EZH2: variants seen among roughly 807,000 people sequenced by gnomAD.
EZH2 encodes histone-lysine N-methyltransferase EZH2.
A neutral mutation model predicts 98.4 loss-of-function variants in EZH2; 18 were observed. The observed-to-expected ratio is 0.18, with a 90% CI of 0.13 to 0.27. The LOEUF is 0.27. Ranked by LOEUF, EZH2 falls within the 10% of genes least tolerant of loss-of-function variation. EZH2 has a pLI of 1.00. For missense variants in EZH2, 470 were observed against 935.1 expected (o/e 0.50, Z 6.49); for synonymous variants, 338 against 312.3 (o/e 1.08, Z -0.87).
intron 1 of EZH2, among the ~76,000 whole-genome samples, chr7:148,874,725 T>G (rs1286672621): frequency 1.3e-5 from 2 of 152,054 alleles, no homozygotes; most frequent in Non-Finnish European, 2.9e-5. Flanking sequence ...AAAAATAAAA[T>G]AGTGTATAGA....
chr7:148,878,429 T>A lies in EZH2; in HGVS notation c.-8+5735A>T, dbSNP rs1189568637. On this transcript the variant is annotated intron_variant, in intron 1 of 19. Coordinates refer to ENST00000320356, the MANE Select transcript of EZH2 (RefSeq NM_004456.5). ...CTAAGCATAATATTCTCCAGCTCCA[T>A]CCATGTATCAGAATTTCACTCCTTT... Among the ~76,000 whole-genome samples, 3 of 152,360 alleles carry A rather than the reference T, an allele frequency of 2.0e-5. No individual in the cohort carries two copies. In the East Asian group the frequency reaches 5.8e-4, roughly 29 times the overall value.
At chr7:148,838,579 T>G (rs1811514073) in intron 3 of EZH2, among the ~76,000 whole-genome samples, 1 of 152,132 alleles carries the variant, frequency 6.6e-6, no homozygotes, top group African/African-American at 2.4e-5. Context: ...TCTAATTCAA[T>G]AACAGTCCTG....
chr7:148,846,882 G>A (rs955148774), intron 2 of EZH2, among the ~76,000 whole-genome samples: 10 of 89,078 alleles, frequency 1.1e-4, no homozygotes, highest in East Asian at 3.4e-4. Context: ...GTGTGTGTGT[G>A]TATTTTTTTT....
chr7:148,840,325 T>C (rs1037695022), intron 3 of EZH2, among the ~76,000 whole-genome samples: 7 of 152,188 alleles, frequency 4.6e-5, no homozygotes, highest in African/African-American at 1.4e-4. Flanking sequence ...ATCCATAATG[T>C]CAAACACTAC....
rs540742431 is a variant in EZH2, at chr7:148,824,342, C to A, written c.907+2112G>T. 5.1e-3 allele frequency among the ~76,000 whole-genome samples: 766 copies of A among 150,520 alleles called. 2 individuals carry two copies. The highest frequency in any genetic ancestry group is 0.017 in the Middle Eastern group (5 of 290). The stretch of plus-strand genomic sequence containing the variant: ...AAAAAAAAAAAAACAACAACAACAA[C>A]AAAAAAGAAACAGTCATGTGCTGCA... On this transcript the variant is annotated intron_variant, in intron 8 of 19. Transcript: ENST00000320356.
intron 3 of EZH2, among the ~76,000 whole-genome samples, chr7:148,843,240 T>C (rs931273280): frequency 5.4e-5 from 8 of 147,566 alleles, no homozygotes; most frequent in African/African-American, 2.0e-4. Flanking sequence ...TAGCCCGATG[T>C]GGTGGCGTGT....
Position 148,819,671 on chromosome 7 carries a change from G to A in EZH2, c.924C>T (p.Pro308=). The part of the protein sequence containing the change: ...RKCNYSFHAT[P]NTYKRKNTET... ...CTGTGTTCTTCCGCTTATAAGTGTT[G>A]GGTGTTGCATGAAAAGCTGCAAAAT... is the stretch of plus-strand genomic sequence containing the variant. The change falls in exon 9 of 20, where the codon CCC becomes CCT. Residue 308 remains proline (P), a synonymous_variant. Coordinates refer to ENST00000320356, the MANE Select transcript of EZH2 (RefSeq NM_004456.5). The A allele has an allele frequency of 6.2e-7, 1 of 1,613,964 alleles. No individual in the cohort carries two copies. Among genetic ancestry groups the A allele is most frequent in the Non-Finnish European group, 8.5e-7 (1 of 1,179,910 alleles).
chr7:148,873,507 A>AAG (rs1819725493), intron 1 of EZH2, among the ~76,000 whole-genome samples: 2 of 145,530 alleles, frequency 1.4e-5, no homozygotes, highest in Admixed American at 7.2e-5. Context: ...AAAAAAAAAA[A>AAG]AAAGAAAGAT....
chr7:148,815,584 G>A (rs367952854), intron 12 of EZH2, 38 bp from the exon 13 acceptor site: 15 of 1,596,300 alleles, frequency 9.4e-6, no homozygotes, highest in African/African-American at 9.4e-5. Context: ...AAATTTCTGC[G>A]GGAAGCTACA....
intron 1 of EZH2, among the ~76,000 whole-genome samples, chr7:148,861,991 T>C (rs373518448): frequency 3.3e-5 from 5 of 152,110 alleles, no homozygotes; most frequent in Admixed American, 3.3e-4. Flanking sequence ...AAAGGGAGAG[T>C]GTTTGAATAG....
intron 6 of EZH2, among the ~76,000 whole-genome samples, chr7:148,827,500 C>G (rs1389056725): frequency 6.6e-6 from 1 of 152,108 alleles, no homozygotes; most frequent in Non-Finnish European, 1.5e-5. Context: ...AGCAGAAAAC[C>G]TAGGTTCTAC....
intron 1 of EZH2, among the ~76,000 whole-genome samples, chr7:148,865,233 A>C (rs1421167414): frequency 6.6e-6 from 1 of 152,170 alleles, no homozygotes; most frequent in African/African-American, 2.4e-5. Flanking sequence ...CACTGAATAA[A>C]AGCAAACAAA....
chr7:148,868,472 G>A (rs2129490442), intron 1 of EZH2, among the ~76,000 whole-genome samples: 1 of 152,288 alleles, frequency 6.6e-6, no homozygotes. Context: ...ACTGTCACGA[G>A]AACTCACTGT....
At chr7:148,846,870 G>A (rs1188702931) in intron 2 of EZH2, among the ~76,000 whole-genome samples, 21 of 142,268 alleles carry the variant, frequency 1.5e-4, no homozygotes, top group South Asian at 2.1e-4. Context: ...GTGTGTGTGT[G>A]TGTGTGTGTG....
At chr7:148,860,634 T>C (rs901003729) in intron 1 of EZH2, among the ~76,000 whole-genome samples, 1 of 152,208 alleles carries the variant, frequency 6.6e-6, no homozygotes, top group Non-Finnish European at 1.5e-5. Context: ...TTTAACATAA[T>C]AGAAATGAAA....
intron 19 of EZH2, among the ~76,000 whole-genome samples, chr7:148,808,546 T>C (rs559531818): frequency 5.9e-5 from 9 of 152,340 alleles, no homozygotes; most frequent in African/African-American, 1.7e-4. Flanking sequence ...ACAGATACCA[T>C]TGGTGGCCCA....
rs746465165 is a variant in EZH2 at position 148,828,820 on chromosome 7, T to C, written c.545A>G (p.Asn182Ser). 2.3e-5 allele frequency: 37 copies of C among 1,613,726 alleles called. No homozygotes were observed. Among genetic ancestry groups the C allele is most frequent in the Non-Finnish European group, 3.1e-5 (37 of 1,179,946 alleles). The stretch of plus-strand genomic sequence containing the variant: ...TCCATCATCATCATCGTCATCATCA[T>C]TATATTGACCAAGGGCATTCACCAA... ...VELVNALGQYNDDDDDDDGDD... is the reference protein window; with the variant it reads ...VELVNALGQYSDDDDDDDGDD... The change falls in exon 6 of 20, where the codon AAT becomes AGT. Residue 182 changes from asparagine to serine, a missense_variant. Physicochemically the swap from Asn to Ser is conservative, Grantham distance 46. Transcript: ENST00000320356.
intron 4 of EZH2, among the ~76,000 whole-genome samples, chr7:148,831,183 G>A (rs918798060): frequency 2.6e-5 from 4 of 152,110 alleles, no homozygotes; most frequent in Non-Finnish European, 4.4e-5. Flanking sequence ...AGGACAACTG[G>A]AGAGTTCATA....
intron 1 of EZH2, among the ~76,000 whole-genome samples, chr7:148,874,052 A>T (rs943429045): frequency 2.3e-4 from 35 of 152,198 alleles, no homozygotes; most frequent in Non-Finnish European, 1.5e-5. Flanking sequence ...GTAGACTAGT[A>T]AGAAAATCAA....
Sources: allele counts gnomAD v4.1 joint callset (sites outside exome capture counted in the v4.1 genomes callset), GRCh38; gene constraint gnomAD v4.1.1; transcripts MANE v1.5; gene names NCBI Gene and HGNC (gene_info 2026-07-23, HGNC 2026-07-21).